ANK2: variants seen among roughly 807,000 people sequenced by gnomAD.
ANK2 encodes ankyrin 2, also known as ankyrin-2.
Under a neutral mutation model 360.5 loss-of-function variants are expected in ANK2, and 83 were observed. That is an observed-to-expected ratio of 0.23 (90% CI 0.19 to 0.28). ANK2 has a LOEUF of 0.28. ANK2 is among the 10% of genes least tolerant of loss of function. The pLI is 1.00. For missense variants in ANK2, 4,201 were observed against 4,795.7 expected (o/e 0.88, Z 3.66); for synonymous variants, 1,740 against 1,759.5 (o/e 0.99, Z 0.28).
rs555409676 is a variant in ANK2 at position 112,843,413 on chromosome 4, C to T, written c.-40+25149C>T. Among the ~76,000 whole-genome samples the T allele has an allele frequency of 2.4e-3, 368 of 152,184 alleles. 1 individual carries two copies. The highest frequency in any genetic ancestry group is 3.6e-3 in the Non-Finnish European group (242 of 68,000). On this transcript the variant is annotated intron_variant, in intron 1 of 30. Coordinates refer to the ANK2 transcript ENST00000503271. ...TCTCAACAGTGGTATGAAGAGGCTG[C>T]GAGAACAACATTTTCCAAACAGAAA...
chr4:112,725,311 A>T, the ANK2 span, among the ~76,000 whole-genome samples: 1 of 149,164 alleles, frequency 6.7e-6, no homozygotes, highest in African/African-American at 2.5e-5. Context: ...AACAGGAAAC[A>T]AATTCTAACA....
Position 113,257,977 on chromosome 4 carries a change from C to G in ANK2, c.1189-73C>G, listed in dbSNP as rs530990806. On this transcript the variant is annotated intron_variant, in intron 11 of 45. Transcript: ENST00000357077. The stretch of plus-strand genomic sequence containing the variant: ...TGTGACGATGTAACATTATTGCCTG[C>G]AATGTGCCAGCATGGAGTTGTGTGA... 33 of 1,310,120 alleles carry G rather than the reference C, an allele frequency of 2.5e-5. No individual in the cohort carries two copies. In the African/African-American group the frequency reaches 4.1e-4, roughly 16 times the overall value. The allele number at this position is 1,310,120 out of a possible 1,614,324, so 81.2% of individuals were successfully genotyped here. A position where few individuals can be genotyped will look rare whatever the true frequency, so the allele number is the denominator to read the frequency against.
chr4:113,123,703 C>T (rs1035817281), intron 1 of ANK2, among the ~76,000 whole-genome samples: 2 of 152,068 alleles, frequency 1.3e-5, no homozygotes, highest in African/African-American at 4.8e-5. Flanking sequence ...CTGGGGTAGA[C>T]TGGAAGGGAA....
intron 28 of ANK2, among the ~76,000 whole-genome samples, chr4:113,332,544 A>G (rs2092707747): frequency 6.6e-6 from 1 of 152,248 alleles, no homozygotes; most frequent in East Asian, 1.9e-4. Flanking sequence ...ACACATGCCT[A>G]TTGTTTCCTT....
intron 9 of ANK2, among the ~76,000 whole-genome samples, chr4:113,246,560 CTTAT>C (rs2042984099): frequency 6.6e-6 from 1 of 151,828 alleles, no homozygotes; most frequent in Non-Finnish European, 1.5e-5. Flanking sequence ...TGTTTTTAAG[CTTAT>C]TTATTATTTA....
At chr4:113,333,032 A>C (rs769523908) in intron 28 of ANK2, 22 bp from the exon 29 acceptor site, 87 of 1,613,960 alleles carry the variant, frequency 5.4e-5, no homozygotes, top group Non-Finnish European at 6.9e-5. Flanking sequence ...TCCACACTGA[A>C]TGTTCTGCAT....
intron 26 of ANK2, among the ~76,000 whole-genome samples, chr4:113,324,233 T>C (rs1296498430): frequency 2.0e-5 from 3 of 152,328 alleles, no homozygotes; most frequent in East Asian, 3.9e-4. Flanking sequence ...TTAAATACCA[T>C]ATTCTAGGTG....
chr4:113,015,142 G>A (rs1163499461), intron 2 of ANK2, among the ~76,000 whole-genome samples: 6 of 152,168 alleles, frequency 3.9e-5, no homozygotes, highest in Non-Finnish European at 7.3e-5. Context: ...ACAGGCGTGA[G>A]CCACCGCGCC....
At chr4:113,112,526 G>GGCT (rs1403466074) in intron 1 of ANK2, among the ~76,000 whole-genome samples, 3 of 152,156 alleles carry the variant, frequency 2.0e-5, no homozygotes, top group Non-Finnish European at 4.4e-5. Context: ...ACTGCAGTGT[G>GGCT]GCTGCTGCCT....
intron 2 of ANK2, among the ~76,000 whole-genome samples, chr4:113,193,323 ACAGT>A (rs1418127682): frequency 1.3e-5 from 2 of 152,344 alleles, no homozygotes; most frequent in Admixed American, 1.3e-4. Flanking sequence ...AGCCAAGGAC[ACAGT>A]CAGTTCAGTT....
chr4:113,174,575 C>T, intron 2 of ANK2, 58 bp downstream of exon 2: 1 of 1,258,490 alleles, frequency 7.9e-7, no homozygotes. Context: ...ATTACATTCT[C>T]AGAGCCCAAG....
chr4:113,217,378 A>T (rs1347534208), intron 4 of ANK2, among the ~76,000 whole-genome samples: 1 of 152,170 alleles, frequency 6.6e-6, no homozygotes, highest in African/African-American at 2.4e-5. Context: ...TTGACTGTAG[A>T]TATATATTTT....
chr4:113,125,364 A>AG (rs2095602286), intron 1 of ANK2, among the ~76,000 whole-genome samples: 1 of 152,166 alleles, frequency 6.6e-6, no homozygotes, highest in African/African-American at 2.4e-5. Flanking sequence ...TTTGAAACAA[A>AG]GTTTAGCCGA....
rs1587510318 is a variant in ANK2 at position 113,295,782 on chromosome 4, T to C, written c.2475+2244T>C. Among the ~76,000 whole-genome samples, 5 of 152,276 alleles carry C rather than the reference T, an allele frequency of 3.3e-5. No individual in the cohort carries two copies. The East Asian group carries it at 9.7e-4, about 29-fold the overall frequency. On this transcript the variant is annotated intron_variant, in intron 22 of 45. Transcript: ENST00000357077. ...TATCTCTGTTACCTAAATGGATAGT[T>C]TTAATGGTTACATGTTTCGATGCTG...
At chr4:113,377,122 A>G (rs962524194) in intron 45 of ANK2, among the ~76,000 whole-genome samples, 2 of 152,116 alleles carry the variant, frequency 1.3e-5, no homozygotes, top group Admixed American at 6.5e-5. Context: ...ACTGTTACTG[A>G]TTTATGTATT....
chr4:112,837,545 T>TGG (rs2061256053), intron 1 of ANK2, among the ~76,000 whole-genome samples: 1 of 152,224 alleles, frequency 6.6e-6, no homozygotes, highest in Admixed American at 6.5e-5. Context: ...GCTTGCACTG[T>TGG]GTGCCTGGAA....
intron 1 of ANK2, among the ~76,000 whole-genome samples, chr4:113,127,799 T>A (rs980113989): frequency 5.3e-5 from 8 of 151,948 alleles, no homozygotes; most frequent in Non-Finnish European, 1.2e-4. Context: ...GGAAGTGAAG[T>A]GTCAAGGTCA....
In ANK2 at chr4:113,277,858, G is replaced by T; in HGVS notation, c.1705G>T (p.Val569Leu). The T allele has an allele frequency of 6.2e-7, 1 of 1,613,860 alleles. No homozygotes were observed. Among genetic ancestry groups the T allele is most frequent in the Non-Finnish European group, 8.5e-7 (1 of 1,179,748 alleles). ...ATKKGFTPLH[V>L]AAKYGSLDVA... Reference sequence around the variant, plus strand: ...TCAGAAGGGTTTTACTCCCCTGCATGTAGCAGCCAAGTATGGAAGCCTGGA... The same window carrying T: ...TCAGAAGGGTTTTACTCCCCTGCATTTAGCAGCCAAGTATGGAAGCCTGGA... The change falls in exon 16 of 46, where the codon GTA (valine) becomes TTA (leucine). Residue 569 changes from valine to leucine, a missense_variant. Around this residue, in one of 4 missense-constraint regions of ANK2, gnomAD observed 1,268 missense variants for 1,650.8 expected, o/e 0.77. Coordinates refer to ENST00000357077, the MANE Select transcript of ANK2 (RefSeq NM_001148.6).
intron 1 of ANK2, among the ~76,000 whole-genome samples, chr4:113,068,224 A>C (rs1223370496): frequency 6.6e-6 from 1 of 152,232 alleles, no homozygotes; most frequent in African/African-American, 2.4e-5. Context: ...TTTCTTCTAC[A>C]CAATGAAACA....
Sources: gnomAD v4.1 joint callset for allele counts (sites outside exome capture counted in the v4.1 genomes callset) on GRCh38, gnomAD v4.1.1 for gene constraint, gnomAD v4.1.1 regional missense constraint, MANE v1.5 for transcripts, NCBI Gene and HGNC (gene_info 2026-07-23, HGNC 2026-07-21) for gene names.